Variants in IRS1 observed in about 807,000 individuals in gnomAD.
IRS1 encodes insulin receptor substrate 1.
Under a neutral mutation model 65.6 loss-of-function variants are expected in IRS1, and 34 were observed. That is an observed-to-expected ratio of 0.52 (90% confidence interval 0.39 to 0.69). The LOEUF (loss-of-function observed/expected upper bound fraction) is 0.69. Among genes scored for constraint, IRS1 ranks in the 30% least tolerant of loss-of-function variants. The pLI, the probability that IRS1 is intolerant of heterozygous loss-of-function variation, is 0.00. For missense variants in IRS1, 1,641 were observed against 1,720.2 expected, an observed-to-expected ratio of 0.95 and a Z score of 0.81; for synonymous variants, 699 against 683.5, an observed-to-expected ratio of 1.02 and a Z score of -0.35.
At position 226,732,558 on chromosome 2, in the gene IRS1, A is replaced by G. The variant is rs1938243723; in HGVS notation, c.*3714T>C. 1 of 149,262 alleles carries G rather than the reference A, an allele frequency of 6.7e-6. No homozygotes were observed. Among genetic ancestry groups the G allele is most frequent in the Non-Finnish European group, 1.5e-5 (1 of 67,558 alleles). 9.2% of individuals were successfully genotyped at this position (149,262 alleles called of 1,614,324 possible). A position where few individuals can be genotyped will look rare whatever the true frequency, so the allele number is the denominator to read the frequency against. ...TATCTATATATGTGTATATATATCTATATATGTGTGTATATATCTATATAT... is the reference window on the plus strand; with the variant it reads ...TATCTATATATGTGTATATATATCTGTATATGTGTGTATATATCTATATAT... On this transcript the variant is annotated 3_prime_UTR_variant, in exon 2 of 2. Coordinates refer to ENST00000305123, the MANE Select transcript of IRS1 (RefSeq NM_005544.3).
At position 226,783,515 on chromosome 2, in the gene IRS1, C is replaced by T. The variant is rs145521293; in HGVS notation, c.*21+11474G>A. Among the ~76,000 whole-genome samples, 959 of 152,232 alleles carry T rather than the reference C, an allele frequency of 6.3e-3. 7 individuals carry two copies. Among genetic ancestry groups the T allele is most frequent in the African/African-American group, 0.021 (884 of 41,534 alleles). On this transcript the variant is annotated intron_variant, in intron 1 of 1. Transcript: ENST00000305123. ...ATTTCAGTCTCCACTGCCTGGCTCA[C>T]AGAGAAAAACTCAATGAATAGTTAT...
chr2:226,760,847 A>G (rs533092926), intron 1 of IRS1, among the ~76,000 whole-genome samples: 2 of 152,232 alleles, frequency 1.3e-5, no homozygotes, highest in Non-Finnish European at 2.9e-5. Context: ...AAGATATTGC[A>G]AGAAAAAAAG....
At chr2:226,768,091 C>T (rs1939091449) in intron 1 of IRS1, among the ~76,000 whole-genome samples, 1 of 152,188 alleles carries the variant, frequency 6.6e-6, no homozygotes, top group African/African-American at 2.4e-5. Flanking sequence ...TAGGATTCTG[C>T]ATCTGCTGCT....
At position 226,796,785 on chromosome 2, in the gene IRS1, G is replaced by A. The variant is rs780995783; in HGVS notation, c.1954C>T (p.Arg652Cys). 4.5e-5 allele frequency: 71 copies of A among 1,585,458 alleles called. No homozygotes were observed. Among genetic ancestry groups the A allele is most frequent in the African/African-American group, 1.2e-4 (9 of 74,404 alleles). ...APQQIINPIR[R>C]HPQRVDPNGY... Reference sequence around the variant, plus strand: ...TTGGGGTCCACTCTCTGGGGATGGCGTCTGATGGGATTGATGATCTGCTGT... The same window carrying A: ...TTGGGGTCCACTCTCTGGGGATGGCATCTGATGGGATTGATGATCTGCTGT... Residue 652 changes from arginine to cysteine, a missense_variant, in exon 1 of 2, where the codon CGC (arginine) becomes TGC (cysteine). Physicochemically the swap from Arg to Cys is radical, Grantham distance 180 (BLOSUM62 -3). This residue lies in a region of IRS1 where 1,324 missense variants were observed against 1,361.0 expected (regional missense o/e 0.97). Transcript: ENST00000305123.
At chr2:226,755,773 C>CA (rs1235078756) in intron 1 of IRS1, among the ~76,000 whole-genome samples, 3 of 152,188 alleles carry the variant, frequency 2.0e-5, no homozygotes, top group African/African-American at 7.2e-5. Context: ...TACTGACACT[C>CA]AGGCTTTAAA....
chr2:226,766,152 TATATA>T (rs1350212018), intron 1 of IRS1, among the ~76,000 whole-genome samples: 5 of 14,636 alleles, frequency 3.4e-4, no homozygotes, highest in Admixed American at 2.1e-3. Context: ...TATATATATA[TATATA>T]TATATATTTT....
intron 1 of IRS1, among the ~76,000 whole-genome samples, chr2:226,753,395 A>G (rs551208785): frequency 1.3e-5 from 2 of 152,334 alleles, no homozygotes; most frequent in African/African-American, 2.4e-5. Context: ...GCATTATTAC[A>G]CTTCATTAGC....
chr2:226,764,368 ACC>A (rs1938985265), intron 1 of IRS1, among the ~76,000 whole-genome samples: 1 of 151,858 alleles, frequency 6.6e-6, no homozygotes, highest in Admixed American at 6.6e-5. Context: ...ACATGGCAAG[ACC>A]CCTTCTCCAA....
At chr2:226,739,926 C>T (rs1938402015) in intron 1 of IRS1, among the ~76,000 whole-genome samples, 1 of 152,206 alleles carries the variant, frequency 6.6e-6, no homozygotes, top group East Asian at 1.9e-4. Context: ...CTGGAATAAG[C>T]AGGGGAAAAG....
rs142856735 is a variant in IRS1, at chr2:226,731,458, C to T, written c.*4814G>A. 2.6e-3 allele frequency: 388 copies of T among 151,204 alleles called. 3 individuals carry two copies. Among genetic ancestry groups the T allele is most frequent in the African/African-American group, 9.1e-3 (373 of 41,174 alleles). The allele number at this position is 151,204 out of a possible 1,614,324, so 9.4% of individuals were successfully genotyped here. On this transcript the variant is annotated 3_prime_UTR_variant, in exon 2 of 2. Transcript: ENST00000305123. ...AGACACTACAATTCTAAGTACCAGA[C>T]AGAATCAGGAAAAAAAAAATTGAAA...
chr2:226,752,230 A>G (rs761970151), intron 1 of IRS1, among the ~76,000 whole-genome samples: 19 of 152,208 alleles, frequency 1.2e-4, no homozygotes, highest in Non-Finnish European at 2.6e-4. Flanking sequence ...GCACAGAGGC[A>G]TAATGACTCA....
At chr2:226,767,758 A>G (rs2106170206) in intron 1 of IRS1, among the ~76,000 whole-genome samples, 1 of 152,322 alleles carries the variant, frequency 6.6e-6, no homozygotes, top group African/African-American at 2.4e-5. Context: ...CTGGTAATGA[A>G]TGTATGAAAA....
intron 1 of IRS1, among the ~76,000 whole-genome samples, chr2:226,785,855 T>C (rs953136572): frequency 6.7e-6 from 1 of 148,706 alleles, no homozygotes; most frequent in Non-Finnish European, 1.5e-5. Flanking sequence ...AACTCGTCAT[T>C]TAGCATTAGG....
chr2:226,785,957 T>C (rs566537161), intron 1 of IRS1, among the ~76,000 whole-genome samples: 22 of 138,804 alleles, frequency 1.6e-4, no homozygotes, highest in Non-Finnish European at 3.2e-4. Context: ...TGTGATCTCA[T>C]TGTTCAATTC....
chr2:226,799,245 A>G lies in IRS1; in HGVS notation c.-507T>C, dbSNP rs1367354985. Reference sequence around the variant, plus strand: ...AGGGGGAGGCGGGTTGCCAAGTCCCAACGTTGCACGGGGTTCTCCCTCCTC... The same window carrying G: ...AGGGGGAGGCGGGTTGCCAAGTCCCGACGTTGCACGGGGTTCTCCCTCCTC... On this transcript the variant is annotated 5_prime_UTR_variant, in exon 1 of 2. Coordinates refer to ENST00000305123, the MANE Select transcript of IRS1 (RefSeq NM_005544.3). This position sits in a 1 kb window ranked among gnomAD's most constrained non-coding sequence, Gnocchi z 6.1. The G allele has an allele frequency of 5.3e-6, 6 of 1,128,492 alleles. No individual in the cohort carries two copies. Among genetic ancestry groups the G allele is most frequent in the Non-Finnish European group, 5.5e-6 (5 of 903,348 alleles). The allele number at this position is 1,128,492 out of a possible 1,614,324, so 69.9% of individuals were successfully genotyped here. A position where few individuals can be genotyped will look rare whatever the true frequency, so the allele number is the denominator to read the frequency against.
chr2:226,769,126 T>C (rs905823043), intron 1 of IRS1, among the ~76,000 whole-genome samples: 2 of 152,226 alleles, frequency 1.3e-5, no homozygotes, highest in Admixed American at 1.3e-4. Flanking sequence ...ACCTAGAAAC[T>C]AGTAATAGGA....
In IRS1 at chr2:226,799,362, C is replaced by CTGT. The variant is rs1425409430; in HGVS notation, c.-627_-625dup. Reference sequence around the variant, plus strand: ...AGAGACCGCGGCGCTGCGGCTGTTGCTGTTGCTGCTGCTGCTGCTGCTGCT... The same window carrying CTGT: ...AGAGACCGCGGCGCTGCGGCTGTTGCTGTTGTTGCTGCTGCTGCTGCTGCTGCT... On this transcript the variant is annotated 5_prime_UTR_variant, in exon 1 of 2. Coordinates refer to ENST00000305123, the MANE Select transcript of IRS1 (RefSeq NM_005544.3). The surrounding 1 kb of genome is among the most constrained non-coding windows in gnomAD (Gnocchi z 6.1). 13 of 1,262,034 alleles carry CTGT rather than the reference C, an allele frequency of 1.0e-5. No individual in the cohort carries two copies. In the East Asian group the frequency reaches 3.5e-4, roughly 34 times the overall value. The allele number at this position is 1,262,034 out of a possible 1,614,324, so 78.2% of individuals were successfully genotyped here.
chr2:226,799,255 G>C lies in IRS1; in HGVS notation c.-517C>G. On this transcript the variant is annotated 5_prime_UTR_variant, in exon 1 of 2. Transcript: ENST00000305123. This position sits in a 1 kb window ranked among gnomAD's most constrained non-coding sequence, Gnocchi z 6.1. ...GGGTTGCCAAGTCCCAACGTTGCACGGGGTTCTCCCTCCTCCTTCGCCTCC... is the reference window on the plus strand; with the variant it reads ...GGGTTGCCAAGTCCCAACGTTGCACCGGGTTCTCCCTCCTCCTTCGCCTCC... The C allele has an allele frequency of 2.7e-6, 3 of 1,130,696 alleles. No homozygotes were observed. The highest frequency in any genetic ancestry group is 1.9e-5 in the South Asian group (1 of 52,690). 70.0% of individuals were successfully genotyped at this position (1,130,696 alleles called of 1,614,324 possible).
intron 1 of IRS1, among the ~76,000 whole-genome samples, chr2:226,767,613 G>A (rs1481335972): frequency 6.6e-6 from 1 of 152,228 alleles, no homozygotes; most frequent in Non-Finnish European, 1.5e-5. Flanking sequence ...CTGGAACTAG[G>A]ACTGAACTCT....
Sources: gnomAD v4.1 joint callset for allele counts (sites outside exome capture counted in the v4.1 genomes callset) on GRCh38, gnomAD v4.1.1 for gene constraint, gnomAD v4.1.1 regional missense constraint, Gnocchi (gnomAD v3.1) non-coding constraint, MANE v1.5 for transcripts, NCBI Gene and HGNC (gene_info 2026-07-23, HGNC 2026-07-21) for gene names.